Variants in PTPN23 observed in about 807,000 individuals in gnomAD.
The protein encoded by PTPN23 is tyrosine-protein phosphatase non-receptor type 23.
A neutral mutation model predicts 156.3 loss-of-function variants in PTPN23; 72 were observed. That is an observed-to-expected ratio of 0.46 (90% CI 0.38 to 0.56). The LOEUF is 0.56. Ranked by LOEUF, PTPN23 falls within the 20% of genes least tolerant of loss-of-function variation. The pLI is 0.00. For missense variants in PTPN23, 1,974 were observed against 2,171.5 expected, an observed-to-expected ratio of 0.91 and a Z score of 1.81; for synonymous variants, 957 against 899.6, an observed-to-expected ratio of 1.06 and a Z score of -1.14.
chr3:47,385,445 G>A (rs1704632811), intron 1 of PTPN23, among the ~76,000 whole-genome samples: 1 of 152,138 alleles, frequency 6.6e-6, no homozygotes, highest in African/African-American at 2.4e-5. Flanking sequence ...GGGAGGCTGA[G>A]GCAGGTGGAT....
Position 47,409,459 on chromosome 3 carries a change from G to A in PTPN23, c.1840G>A (p.Val614Met). 1.9e-6 allele frequency: 3 copies of A among 1,614,188 alleles called. No individual in the cohort carries two copies. The highest frequency in any genetic ancestry group is 2.5e-6 in the Non-Finnish European group (3 of 1,180,024). ...EQLKKYDQLK[V>M]YLEQNLAAQD... Reference sequence around the variant, plus strand: ...GCTGAAAAAGTATGACCAGCTGAAGGTGTACCTGGAGCAGAACCTGGCCGC... The same window carrying A: ...GCTGAAAAAGTATGACCAGCTGAAGATGTACCTGGAGCAGAACCTGGCCGC... Residue 614 changes from valine to methionine, a missense_variant, in exon 18 of 25, where the codon GTG becomes ATG. By Grantham distance (21) the Val-to-Met change is conservative. Coordinates refer to ENST00000265562, the MANE Select transcript of PTPN23 (RefSeq NM_015466.4).
Position 47,412,745 on chromosome 3 carries a change from G to C in PTPN23, c.4471G>C (p.Gly1491Arg), listed in dbSNP as rs1276687706. 3 of 1,605,182 alleles carry C rather than the reference G, an allele frequency of 1.9e-6. No homozygotes were observed. Among genetic ancestry groups the C allele is most frequent in the Non-Finnish European group, 2.6e-6 (3 of 1,173,966 alleles). ...PQDSQDLVLG[G>R]DVPISSIQAT... ...GGACTCCCAGGACCTGGTCCTCGGT[G>C]GGGATGTGCCCATCAGCTCCATCCA... is the stretch of plus-strand genomic sequence containing the variant. The change falls in exon 25 of 25, where the codon GGG becomes CGG. Residue 1491 changes from glycine (G) to arginine (R), a missense_variant. Coordinates refer to ENST00000265562, the MANE Select transcript of PTPN23 (RefSeq NM_015466.4).
In PTPN23 at chr3:47,406,896, G is replaced by A; in HGVS notation, c.807+146G>A. ...CTGGAGGCCTGGTGTCTTAAGTGTT[G>A]TCCCATCTGTGCAGCCCTCGTCCCT... is the stretch of plus-strand genomic sequence containing the variant. On this transcript the variant is annotated intron_variant, in intron 9 of 24. Coordinates refer to ENST00000265562, the MANE Select transcript of PTPN23 (RefSeq NM_015466.4). This position sits in a 1 kb window ranked among gnomAD's most constrained non-coding sequence, Gnocchi z 5.8. The A allele has an allele frequency of 8.1e-7, 1 of 1,231,162 alleles. No individual in the cohort carries two copies. The highest frequency in any genetic ancestry group is 1.4e-5 in the South Asian group (1 of 70,830). The allele number at this position is 1,231,162 out of a possible 1,614,324, so 76.3% of individuals were successfully genotyped here.
At position 47,411,947 on chromosome 3, in the gene PTPN23, C is replaced by T. The variant is rs1705308232; in HGVS notation, c.4053C>T (p.His1351=). The part of the protein sequence containing the change: ...QSLKRSLVHL[H]FPTWPELGLP... ...TCAAGCGCTCTCTTGTGCACCTGCA[C>T]TTCCCCACTTGGCCTGAGTTGTGAG... Residue 1351 remains histidine, a synonymous_variant, in exon 21 of 25, where the codon CAC becomes CAT. Transcript: ENST00000265562. This position sits in a 1 kb window ranked among gnomAD's most constrained non-coding sequence, Gnocchi z 6.3. 2 of 1,612,014 alleles carry T rather than the reference C, an allele frequency of 1.2e-6. No individual in the cohort carries two copies. Among genetic ancestry groups the T allele is most frequent in the South Asian group, 1.1e-5 (1 of 90,872 alleles).
At position 47,408,362 on chromosome 3, in the gene PTPN23, T is replaced by C. The variant is rs377741586; in HGVS notation, c.1202T>C (p.Met401Thr). 5 of 1,613,898 alleles carry C rather than the reference T, an allele frequency of 3.1e-6. No homozygotes were observed. In the African/African-American group the frequency reaches 5.3e-5, roughly 17 times the overall value. Residue 401 changes from methionine (M) to threonine (T), a missense_variant, in exon 15 of 25, where the codon ATG (methionine) becomes ACG (threonine). Transcript: ENST00000265562. The part of the protein sequence containing the change: ...NEVLDQFMDS[M>T]QLDPETVDNL... The stretch of plus-strand genomic sequence containing the variant: ...CCCCACAGCCAGTTCATGGATTCAA[T>C]GCAGTTGGATCCCGAGACGGTGGAC...
chr3:47,410,210 G>GCCCAGGGC lies in PTPN23; in HGVS notation c.2425_2432dup (p.His811GlnfsTer8), dbSNP rs752707578. 20 of 1,610,666 alleles carry GCCCAGGGC rather than the reference G, an allele frequency of 1.2e-5. No individual in the cohort carries two copies. The highest frequency in any genetic ancestry group is 2.2e-5 in the South Asian group (2 of 90,572). ...ACTCGGGCCCCACCCAGCTGATACA[G>GCCCAGGGC]CCCAGGGCCCCAGGGCCCCATGCAA... On this transcript the variant is annotated frameshift_variant, in exon 20 of 25. Coordinates refer to ENST00000265562, the MANE Select transcript of PTPN23 (RefSeq NM_015466.4). LOFTEE classifies it high-confidence loss of function.
At position 47,396,001 on chromosome 3, in the gene PTPN23, C is replaced by T. The variant is rs112538126; in HGVS notation, c.85-142C>T. On this transcript the variant is annotated intron_variant, in intron 1 of 24. Coordinates refer to ENST00000265562, the MANE Select transcript of PTPN23 (RefSeq NM_015466.4). ...ATTTTGGTGCTGCCTGTTCAGGAGG[C>T]GAAGTTCCTGGTGGTCCAGGAGACA... is the stretch of plus-strand genomic sequence containing the variant. 3,601 of 565,130 alleles carry T rather than the reference C, an allele frequency of 6.4e-3. 30 individuals are homozygous for T. The highest frequency in any genetic ancestry group is 0.014 in the South Asian group (650 of 45,790). 35.0% of individuals were successfully genotyped at this position (565,130 alleles called of 1,614,324 possible).
intron 1 of PTPN23, among the ~76,000 whole-genome samples, chr3:47,394,253 T>G (rs1391467845): frequency 6.6e-6 from 1 of 152,180 alleles, no homozygotes; most frequent in African/African-American, 2.4e-5. Context: ...CTACCATTCC[T>G]TAATGCTTAT....
At chr3:47,383,800 G>T (rs771712643) in intron 1 of PTPN23, among the ~76,000 whole-genome samples, 7 of 152,178 alleles carry the variant, frequency 4.6e-5, no homozygotes, top group Non-Finnish European at 1.0e-4. Context: ...TAGCCCTTTA[G>T]CCCGAGGTGG....
In PTPN23 at chr3:47,408,351, C is replaced by T; in HGVS notation, c.1191C>T (p.Phe397=). The T allele has an allele frequency of 2.5e-6, 4 of 1,613,712 alleles. No homozygotes were observed. The highest frequency in any genetic ancestry group is 3.4e-6 in the Non-Finnish European group (4 of 1,179,746). ...GCCCTGTTGCTCCCCACAGCCAGTT[C>T]ATGGATTCAATGCAGTTGGATCCCG... ...IEDKNEVLDQ[F]MDSMQLDPET... The change falls in exon 15 of 25, where the codon TTC becomes TTT. Residue 397 remains phenylalanine (F), a synonymous_variant. Coordinates refer to ENST00000265562, the MANE Select transcript of PTPN23 (RefSeq NM_015466.4).
chr3:47,409,012 G>T lies in PTPN23; in HGVS notation c.1567G>T (p.Val523Phe). Residue 523 changes from valine (V) to phenylalanine (F), a missense_variant, in exon 16 of 25, where the codon GTC becomes TTC. By Grantham distance (50) the Val-to-Phe change is conservative. Around this residue, in one of 4 missense-constraint regions of PTPN23, gnomAD observed 726 missense variants for 929.5 expected, o/e 0.78. Coordinates refer to ENST00000265562, the MANE Select transcript of PTPN23 (RefSeq NM_015466.4). The stretch of plus-strand genomic sequence containing the variant: ...GCTGCACCGTGCCATGAACCTGCAC[G>T]TCGGCAACCTGCGCCTGCTCAGCGG... ...SELHRAMNLH[V>F]GNLRLLSGPL... is the part of the protein sequence containing the mutation. The T allele has an allele frequency of 6.2e-7, 1 of 1,614,084 alleles. No homozygotes were observed. The highest frequency in any genetic ancestry group is 8.5e-7 in the Non-Finnish European group (1 of 1,180,040).
Position 47,409,419 on chromosome 3 carries a change from G to A in PTPN23, c.1800G>A (p.Lys600=), listed in dbSNP as rs983099932. ...LVTTDHSEMK[K]LFEEQLKKYD... ...CCTGGCCCCCACCCCTTCCTCAGAAGTTGTTCGAGGAGCAGCTGAAAAAGT... is the reference window on the plus strand; with the variant it reads ...CCTGGCCCCCACCCCTTCCTCAGAAATTGTTCGAGGAGCAGCTGAAAAAGT... The change falls in exon 18 of 25, where the codon AAG becomes AAA. Residue 600 remains lysine (K), a splice_region_variant and synonymous_variant. Transcript: ENST00000265562. 2.8e-5 allele frequency: 45 copies of A among 1,613,996 alleles called. No individual in the cohort carries two copies. The highest frequency in any genetic ancestry group is 6.7e-5 in the East Asian group (3 of 44,892).
chr3:47,383,969 C>T (rs1470800927), intron 1 of PTPN23, among the ~76,000 whole-genome samples: 1 of 152,198 alleles, frequency 6.6e-6, no homozygotes, highest in Non-Finnish European at 1.5e-5. Flanking sequence ...TATGCTTGCT[C>T]TGAGCTGTGG....
rs567056020 is a variant in PTPN23 at position 47,405,073 on chromosome 3, A to G, written c.356A>G (p.Tyr119Cys). The G allele has an allele frequency of 6.2e-7, 1 of 1,614,124 alleles. No homozygotes were observed. Among genetic ancestry groups the G allele is most frequent in the African/African-American group, 1.3e-5 (1 of 75,018 alleles). The change falls in exon 4 of 25, where the codon TAC becomes TGC. Residue 119 changes from tyrosine (Y) to cysteine (C), a missense_variant. By Grantham distance (194) the Tyr-to-Cys change is radical. Transcript: ENST00000265562. This position sits in a 1 kb window ranked among gnomAD's most constrained non-coding sequence, Gnocchi z 4.7. Reference sequence around the variant, plus strand: ...AAGTACGAGCAGGCCTGTATTCTCTACAACCTTGGTGAGCTGCCTGATCCC... The same window carrying G: ...AAGTACGAGCAGGCCTGTATTCTCTGCAACCTTGGTGAGCTGCCTGATCCC... ...DIKYEQACIL[Y>C]NLGALHSMLG...
chr3:47,412,558 G>A lies in PTPN23; in HGVS notation c.4362G>A (p.Glu1454=), dbSNP rs1188022745. 1 of 1,613,662 alleles carries A rather than the reference G, an allele frequency of 6.2e-7. No individual in the cohort carries two copies. Residue 1454 remains glutamate (E), a synonymous_variant, in exon 24 of 25, where the codon GAG becomes GAA. Transcript: ENST00000265562. The part of the protein sequence containing the change: ...FCYEAVVRHV[E]QVLQRHGVPP... ...ATGAGGCAGTGGTGAGACACGTGGA[G>A]CAGGTCCTGCAGCGCCATGGTGTGC...
intron 2 of PTPN23, 52 bp downstream of exon 2, chr3:47,396,269 T>G (rs758836846): frequency 1.5e-5 from 23 of 1,495,086 alleles, no homozygotes; most frequent in Non-Finnish European, 2.0e-5. Flanking sequence ...ATTGGTTTGA[T>G]AGGGAGATAA....
chr3:47,409,044 T>C lies in PTPN23; in HGVS notation c.1599T>C (p.Leu533=), dbSNP rs1381754461. Residue 533 remains leucine, a synonymous_variant, in exon 16 of 25, where the codon CTT becomes CTC. Coordinates refer to ENST00000265562, the MANE Select transcript of PTPN23 (RefSeq NM_015466.4). ...ACCTGCGCCTGCTCAGCGGGCCGCT[T>C]GACCAGGTCCGGGCTGCCCTGCCCA... is the stretch of plus-strand genomic sequence containing the variant. ...VGNLRLLSGP[L]DQVRAALPTP... is the part of the protein sequence containing the mutation. 1.9e-6 allele frequency: 3 copies of C among 1,613,812 alleles called. No homozygotes were observed. The South Asian group carries it at 3.3e-5, about 18-fold the overall frequency.
rs760877933 is a variant in PTPN23, at chr3:47,406,428, G to A, written c.627+23G>A. The A allele has an allele frequency of 6.2e-7, 1 of 1,613,824 alleles. No homozygotes were observed. Among genetic ancestry groups the A allele is most frequent in the African/African-American group, 1.3e-5 (1 of 74,976 alleles). On this transcript the variant is annotated intron_variant, in intron 7 of 24. Transcript: ENST00000265562. This position sits in a 1 kb window ranked among gnomAD's most constrained non-coding sequence, Gnocchi z 5.8. ...CAGGTAGGGACGGGGCTGAGGGGAG[G>A]CCTTCACTTTACTGCTGACTCCCCC...
At chr3:47,402,920 G>A (rs1478325851) in intron 2 of PTPN23, among the ~76,000 whole-genome samples, 2 of 151,998 alleles carry the variant, frequency 1.3e-5, no homozygotes. Flanking sequence ...TGGCCAGGCT[G>A]GCATCGAACT....
Sources: gnomAD v4.1 joint callset for allele counts (sites outside exome capture counted in the v4.1 genomes callset) on GRCh38, gnomAD v4.1.1 for gene constraint, gnomAD v4.1.1 regional missense constraint, Gnocchi (gnomAD v3.1) non-coding constraint, MANE v1.5 for transcripts, NCBI Gene and HGNC (gene_info 2026-07-23, HGNC 2026-07-21) for gene names.